Variants in NRXN3 observed in about 807,000 individuals in gnomAD.
NRXN3 encodes neurexin 3.
A neutral mutation model predicts 137.6 loss-of-function variants in NRXN3; 32 were observed. The observed-to-expected ratio is 0.23, with a 90% CI of 0.18 to 0.31. NRXN3 has a LOEUF of 0.31. Ranked by LOEUF, NRXN3 falls within the 10% of genes least tolerant of loss-of-function variation. NRXN3 has a pLI of 1.00. For synonymous variants in NRXN3, 798 were observed against 784.5 expected (o/e 1.02, Z -0.29); for missense variants, 1,574 against 2,062.5 (o/e 0.76, Z 4.59).
intron 4 of NRXN3, among the ~76,000 whole-genome samples, chr14:78,493,777 A>G (rs1258798838): frequency 6.6e-6 from 1 of 152,182 alleles, no homozygotes; most frequent in Non-Finnish European, 1.5e-5. Flanking sequence ...CAACCTCAGT[A>G]CATTCCAAAG....
intron 10 of NRXN3, among the ~76,000 whole-genome samples, chr14:78,933,949 G>T (rs995096261): frequency 2.0e-5 from 3 of 151,968 alleles, no homozygotes; most frequent in Middle Eastern, 3.4e-3. Context: ...CCAGCTTCTG[G>T]TACCCACCCA....
At chr14:78,782,450 G>A (rs1002337750) in intron 8 of NRXN3, among the ~76,000 whole-genome samples, 12 of 152,122 alleles carry the variant, frequency 7.9e-5, no homozygotes, top group Non-Finnish European at 1.8e-4. Flanking sequence ...GAAAAACAAC[G>A]CCTCTGGTTG....
At chr14:78,184,063 G>A (rs976634499) in intron 1 of NRXN3, among the ~76,000 whole-genome samples, 1 of 152,070 alleles carries the variant, frequency 6.6e-6, no homozygotes, top group Non-Finnish European at 1.5e-5. Context: ...AATAATATAT[G>A]TTTGTTATAG....
chr14:78,898,828 C>T (rs1165694737), intron 10 of NRXN3, among the ~76,000 whole-genome samples: 1 of 151,876 alleles, frequency 6.6e-6, no homozygotes, highest in Non-Finnish European at 1.5e-5. Flanking sequence ...CTTGGTCTAG[C>T]ATAGGCATTC....
At chr14:79,408,987 A>G (rs2095365186) in intron 15 of NRXN3, among the ~76,000 whole-genome samples, 1 of 152,018 alleles carries the variant, frequency 6.6e-6, no homozygotes, top group African/African-American at 2.4e-5. Context: ...GTTACCAGAA[A>G]TCTCCTTTGG....
intron 10 of NRXN3, among the ~76,000 whole-genome samples, chr14:78,954,861 A>C (rs2099393938): frequency 6.7e-6 from 1 of 150,004 alleles, no homozygotes; most frequent in African/African-American, 2.5e-5. Context: ...TTTGTGTTTG[A>C]ATCTGACCAC....
chr14:78,994,364 A>T (rs1299759344), intron 15 of NRXN3, among the ~76,000 whole-genome samples: 2 of 152,164 alleles, frequency 1.3e-5, no homozygotes, highest in Non-Finnish European at 2.9e-5. Context: ...TTGGTTTAAC[A>T]CTATAGGCTA....
At position 79,284,343 on chromosome 14, in the gene NRXN3, CATATATATAT is replaced by C. The variant is rs60596302; in HGVS notation, c.3263-182845_3263-182836del. 4.7e-3 allele frequency among the ~76,000 whole-genome samples: 303 copies of C among 65,104 alleles called. 3 individuals are homozygous for C. Among genetic ancestry groups the C allele is most frequent in the East Asian group, 0.017 (33 of 1,936 alleles). The allele number at this position is 65,104 out of a possible 152,430, so 42.7% of individuals were successfully genotyped here. ...GGAAACCCCGTCTCTACTAAAAATACATATATATATATATATATATATATATATATATATA... is the reference window on the plus strand; with the variant it reads ...GGAAACCCCGTCTCTACTAAAAATACATATATATATATATATATATATATA... On this transcript the variant is annotated intron_variant, in intron 15 of 20. Coordinates refer to ENST00000335750, the MANE Select transcript of NRXN3 (RefSeq NM_001330195.2).
At chr14:79,555,245 A>C (rs1354560421) in intron 16 of NRXN3, among the ~76,000 whole-genome samples, 1 of 152,174 alleles carries the variant, frequency 6.6e-6, no homozygotes. Context: ...AATAGCAAGG[A>C]AAAACAGATC....
intron 4 of NRXN3, among the ~76,000 whole-genome samples, chr14:78,444,001 C>T (rs1247915468): frequency 2.6e-5 from 4 of 152,150 alleles, no homozygotes; most frequent in Non-Finnish European, 5.9e-5. Flanking sequence ...GTCACATTGT[C>T]CTCTAGTAAT....
chr14:78,233,614 G>A (rs191879864), intron 1 of NRXN3, among the ~76,000 whole-genome samples: 85 of 145,504 alleles, frequency 5.8e-4, no homozygotes, highest in African/African-American at 1.9e-3. Context: ...TAGAACTTCC[G>A]TTCACTAGAC....
chr14:79,414,366 C>CT (rs1425952604), intron 15 of NRXN3, among the ~76,000 whole-genome samples: 1 of 152,042 alleles, frequency 6.6e-6, no homozygotes, highest in Admixed American at 6.6e-5. Context: ...AATAGGGTGT[C>CT]TTTTTTTGTT....
At chr14:78,948,843 C>T (rs2099378052) in intron 10 of NRXN3, among the ~76,000 whole-genome samples, 1 of 152,020 alleles carries the variant, frequency 6.6e-6, no homozygotes, top group African/African-American at 2.4e-5. Flanking sequence ...TGAGACAGGA[C>T]AACTCAGGGA....
intron 15 of NRXN3, among the ~76,000 whole-genome samples, chr14:79,167,750 C>G (rs537212011): frequency 1.3e-5 from 2 of 151,810 alleles, no homozygotes; most frequent in Admixed American, 1.3e-4. Context: ...ATTTTCTTCA[C>G]CTAAAGTTAC....
intron 16 of NRXN3, among the ~76,000 whole-genome samples, chr14:79,639,792 T>C (rs576721149): frequency 6.6e-6 from 1 of 152,298 alleles, no homozygotes; most frequent in South Asian, 2.1e-4. Flanking sequence ...TTTGCAGCCA[T>C]GGAATCAGGT....
chr14:79,609,370 C>G (rs916175059), intron 16 of NRXN3, among the ~76,000 whole-genome samples: 10 of 152,126 alleles, frequency 6.6e-5, no homozygotes, highest in African/African-American at 2.4e-4. Flanking sequence ...GAGATTAGAA[C>G]CCTAGAATGG....
At chr14:79,830,696 T>C (rs556049994) in intron 20 of NRXN3, among the ~76,000 whole-genome samples, 9 of 152,326 alleles carry the variant, frequency 5.9e-5, no homozygotes, top group Middle Eastern at 3.4e-3. Context: ...GTGTTCATTT[T>C]TCAAATAGAG....
intron 4 of NRXN3, among the ~76,000 whole-genome samples, chr14:78,346,255 A>G (rs961369039): frequency 6.6e-6 from 1 of 152,126 alleles, no homozygotes; most frequent in African/African-American, 2.4e-5. Flanking sequence ...CTGGAATCAG[A>G]TGTCCATCTT....
At chr14:79,766,525 C>A (rs1230762699) in intron 19 of NRXN3, among the ~76,000 whole-genome samples, 1 of 152,206 alleles carries the variant, frequency 6.6e-6, no homozygotes, top group African/African-American at 2.4e-5. Flanking sequence ...CTACCTACGA[C>A]CACTGGCCAA....
Sources: allele counts gnomAD v4.1 joint callset (sites outside exome capture counted in the v4.1 genomes callset), GRCh38; gene constraint gnomAD v4.1.1; transcripts MANE v1.5; gene names NCBI Gene and HGNC (gene_info 2026-07-23, HGNC 2026-07-21).